Variants in CNIH3 observed in about 807,000 individuals in gnomAD.
CNIH3 encodes the protein cornichon family AMPA receptor auxiliary protein 3, also known as protein cornichon homolog 3.
In CNIH3, 14 loss-of-function variants were observed where a neutral mutation model predicts 24.1. The observed-to-expected ratio is 0.58, with a 90% CI of 0.38 to 0.91. The LOEUF is 0.91. Ranked by LOEUF, CNIH3 falls within the 40% of genes least tolerant of loss-of-function variation. CNIH3 has a pLI of 0.00. For synonymous variants in CNIH3, 68 were observed against 73.8 expected, an observed-to-expected ratio of 0.92 and a Z score of 0.40; for missense variants, 178 against 196.8, an observed-to-expected ratio of 0.90 and a Z score of 0.57.
chr1:224,492,828 T>C (rs996296110), intron 1 of CNIH3, among the ~76,000 whole-genome samples: 4 of 152,238 alleles, frequency 2.6e-5, no homozygotes, highest in Admixed American at 6.5e-5. Flanking sequence ...ACAGTTTTTA[T>C]TGCATATTTT....
intron 1 of CNIH3, among the ~76,000 whole-genome samples, chr1:224,492,637 A>G (rs1360937640): frequency 2.0e-5 from 3 of 152,186 alleles, no homozygotes; most frequent in Non-Finnish European, 4.4e-5. Flanking sequence ...ACATATATAC[A>G]AAGAATTTTA....
At chr1:224,692,027 G>A (rs542011478) in intron 3 of CNIH3, among the ~76,000 whole-genome samples, 3 of 152,344 alleles carry the variant, frequency 2.0e-5, no homozygotes, top group South Asian at 4.1e-4. Context: ...AGGGCAGGGC[G>A]CAGTGGCTTG....
rs977938804 is a variant in CNIH3 at position 224,616,681 on chromosome 1, G to A, written c.-494G>A. On this transcript the variant is annotated 5_prime_UTR_variant, in exon 1 of 6. Transcript: ENST00000272133. ...AGCTCGGAGGCCGCTCGGGCACCTC[G>A]CTGGACACTATCCGTTTGCGCCCCG... 1.5e-5 allele frequency: 15 copies of A among 990,996 alleles called. No individual in the cohort carries two copies. The highest frequency in any genetic ancestry group is 1.7e-5 in the Non-Finnish European group (14 of 833,926). The allele number at this position is 990,996 out of a possible 1,614,324, so 61.4% of individuals were successfully genotyped here.
chr1:224,703,568 A>T lies in CNIH3; in HGVS notation c.198+18725A>T, dbSNP rs1687620108. Among the ~76,000 whole-genome samples the T allele has an allele frequency of 6.6e-6, 1 of 152,162 alleles. No individual in the cohort carries two copies. Among genetic ancestry groups the T allele is most frequent in the South Asian group, 2.1e-4 (1 of 4,828 alleles). On this transcript the variant is annotated intron_variant, in intron 3 of 5. Transcript: ENST00000272133. This position sits in a 1 kb window ranked among gnomAD's most constrained non-coding sequence, Gnocchi z 4.2. ...TATCATGGTTAGGGCGCTGAGTTTC[A>T]TCAGCCTGGCTGTGCTGATGGGGAG...
At chr1:224,500,578 A>T (rs755786143) in intron 1 of CNIH3, among the ~76,000 whole-genome samples, 8 of 151,770 alleles carry the variant, frequency 5.3e-5, no homozygotes, top group Non-Finnish European at 1.2e-4. Flanking sequence ...GAGGCTGAGG[A>T]GGGAGGATGG....
chr1:224,680,808 C>T (rs1371775060), intron 1 of CNIH3, 150 bp from the exon 2 acceptor site: 1 of 642,042 alleles, frequency 1.6e-6, no homozygotes, highest in Non-Finnish European at 2.9e-6. Context: ...TTATTGCCAG[C>T]TTCGACAGTG....
intron 1 of CNIH3, among the ~76,000 whole-genome samples, chr1:224,491,934 G>T (rs1193535408): frequency 6.6e-6 from 1 of 151,972 alleles, no homozygotes; most frequent in Admixed American, 6.6e-5. Flanking sequence ...TTTTATTTTT[G>T]TAGAGACAAG....
At chr1:224,538,657 CTCTCTCT>C (rs1679387376), downstream of CNIH3, among the ~76,000 whole-genome samples, 1 of 149,124 alleles carries the variant, frequency 6.7e-6, no homozygotes, top group Admixed American at 6.6e-5. Flanking sequence ...CTCTCTCTCT[CTCTCTCT>C]TTTTTTTTTT....
At chr1:224,457,743 A>G (rs1309032132) in intron 1 of CNIH3, among the ~76,000 whole-genome samples, 1 of 152,220 alleles carries the variant, frequency 6.6e-6, no homozygotes, top group Non-Finnish European at 1.5e-5. Context: ...CTCTGGAAGA[A>G]TTAAACGTTC....
intron 1 of CNIH3, among the ~76,000 whole-genome samples, chr1:224,449,089 C>T (rs1675281792): frequency 6.6e-6 from 1 of 151,744 alleles, no homozygotes; most frequent in Non-Finnish European, 1.5e-5. Context: ...CTCAGCCTCC[C>T]AAGTAGCTGG....
intron 3 of CNIH3, among the ~76,000 whole-genome samples, chr1:224,706,003 C>G (rs950097712): frequency 6.6e-6 from 1 of 152,008 alleles, no homozygotes; most frequent in Non-Finnish European, 1.5e-5. Flanking sequence ...GATGACTACT[C>G]TAGCACTTAC....
chr1:224,650,727 T>G (rs1398234235), intron 1 of CNIH3, among the ~76,000 whole-genome samples: 1 of 152,188 alleles, frequency 6.6e-6, no homozygotes, highest in Non-Finnish European at 1.5e-5. Context: ...TATAGAGGCT[T>G]TATAAACTCT....
At chr1:224,530,640 G>A (rs1332056022) in intron 2 of CNIH3, among the ~76,000 whole-genome samples, 10 of 149,696 alleles carry the variant, frequency 6.7e-5, no homozygotes, top group Non-Finnish European at 1.3e-4. Flanking sequence ...TTGCTCTGTC[G>A]CCAGACTGGA....
At chr1:224,578,866 C>T (rs1681146911) in intron 4 of CNIH3, among the ~76,000 whole-genome samples, 1 of 152,130 alleles carries the variant, frequency 6.6e-6, no homozygotes, top group African/African-American at 2.4e-5. Context: ...TCTAAAGTTT[C>T]ACAGAGTATT....
chr1:224,519,068 G>A (rs1048574816), intron 1 of CNIH3, among the ~76,000 whole-genome samples: 15 of 152,230 alleles, frequency 9.9e-5, no homozygotes, highest in Non-Finnish European at 1.9e-4. Context: ...TTGTAAGACT[G>A]TTAGCATAGC....
rs912897584 is a variant in CNIH3, at chr1:224,707,786, G to A, written c.199-22676G>A. Among the ~76,000 whole-genome samples, 2 of 152,200 alleles carry A rather than the reference G, an allele frequency of 1.3e-5. 1 individual carries two copies. The highest frequency in any genetic ancestry group is 2.9e-5 in the Non-Finnish European group (2 of 68,028). ...AGTTCAGACCTGGCAGGCTGTACCC[G>A]CTTTTCAGCACTTACTGGGCATCCA... On this transcript the variant is annotated intron_variant, in intron 3 of 5. Coordinates refer to ENST00000272133, the MANE Select transcript of CNIH3 (RefSeq NM_152495.2).
chr1:224,532,139 G>A (rs1014746444), intron 2 of CNIH3, among the ~76,000 whole-genome samples: 4 of 152,132 alleles, frequency 2.6e-5, no homozygotes, highest in Admixed American at 2.0e-4. Flanking sequence ...GGAACTCGGG[G>A]CATGGGTGGA....
In CNIH3 at chr1:224,684,183, C is replaced by T. The variant is rs1686539212; in HGVS notation, c.151-613C>T. On this transcript the variant is annotated intron_variant, in intron 2 of 5. Transcript: ENST00000272133. The surrounding 1 kb of genome is among the most constrained non-coding windows in gnomAD (Gnocchi z 4.2). Reference sequence around the variant, plus strand: ...GATGCGGGCATCATCACCTGCCCAGCCACGGGCCATCATCTCATCTTCCCT... The same window carrying T: ...GATGCGGGCATCATCACCTGCCCAGTCACGGGCCATCATCTCATCTTCCCT... Among the ~76,000 whole-genome samples the T allele has an allele frequency of 6.6e-6, 1 of 152,238 alleles. No homozygotes were observed. Among genetic ancestry groups the T allele is most frequent in the Admixed American group, 6.5e-5 (1 of 15,294 alleles).
At chr1:224,594,341 G>A (rs1681888425) in intron 3 of CNIH3, among the ~76,000 whole-genome samples, 1 of 152,176 alleles carries the variant, frequency 6.6e-6, no homozygotes, top group Non-Finnish European at 1.5e-5. Context: ...GGAGGTTTAG[G>A]ATTTGGAGTA....
Sources: allele counts gnomAD v4.1 joint callset (sites outside exome capture counted in the v4.1 genomes callset), GRCh38; gene constraint gnomAD v4.1.1; non-coding constraint Gnocchi (gnomAD v3.1); transcripts MANE v1.5; gene names NCBI Gene and HGNC (gene_info 2026-07-23, HGNC 2026-07-21).